Variants in MICAL2 observed in about 807,000 individuals in gnomAD.
The protein encoded by MICAL2 is microtubule associated monooxygenase, calponin and LIM domain containing 2.
MICAL2 carries 77 observed loss-of-function variants against 127.3 expected under a neutral mutation model. The observed-to-expected ratio is 0.60, with a 90% CI of 0.50 to 0.73. The LOEUF (loss-of-function observed/expected upper bound fraction) is 0.73, where lower values mean the gene tolerates loss of function less well. Among genes scored for constraint, MICAL2 ranks in the 30% least tolerant of loss-of-function variants. MICAL2 has a pLI of 0.00. For missense variants in MICAL2, 1,351 were observed against 1,434.4 expected, an observed-to-expected ratio of 0.94 and a Z score of 0.94; for synonymous variants, 570 against 551.1, an observed-to-expected ratio of 1.03 and a Z score of -0.48.
intron 3 of MICAL2, among the ~76,000 whole-genome samples, chr11:12,167,571 G>T (rs772746709): frequency 1.3e-5 from 2 of 152,138 alleles, no homozygotes; most frequent in Non-Finnish European, 2.9e-5. Context: ...TCATGGCTGC[G>T]CTGGCTCAGA....
chr11:12,247,484 G>T (rs17480614), intron 21 of MICAL2, among the ~76,000 whole-genome samples: 1,842 of 152,276 alleles, frequency 0.012, 24 homozygotes, highest in Middle Eastern at 0.024. Context: ...ATGGACTCTT[G>T]GGCAAGTCAC....
chr11:12,287,885 G>A (rs757526595), downstream of MICAL2, among the ~76,000 whole-genome samples: 2 of 152,108 alleles, frequency 1.3e-5, no homozygotes, highest in Non-Finnish European at 2.9e-5. Context: ...CAGGCTCATC[G>A]CTGCCTTCCA....
At chr11:12,277,171 G>A (rs1437579392) in intron 1 of MICAL2, among the ~76,000 whole-genome samples, 1 of 152,092 alleles carries the variant, frequency 6.6e-6, no homozygotes, top group Non-Finnish European at 1.5e-5. Context: ...CTGCTCTGGA[G>A]CCTGCGTGTC....
exon 35 of MICAL2, chr11:12,358,344 C>A: frequency 6.2e-7 from 1 of 1,614,044 alleles, no homozygotes; most frequent in Non-Finnish European, 8.5e-7. Context: ...AAGTATTCAC[C>A]GAGCTGATGC....
intron 21 of MICAL2, among the ~76,000 whole-genome samples, chr11:12,244,553 G>A (rs761639100): frequency 1.3e-5 from 2 of 152,110 alleles, no homozygotes; most frequent in African/African-American, 2.4e-5. Flanking sequence ...TAAACTTAAC[G>A]TAACACTATT....
rs145753992 is a variant in MICAL2 at position 12,148,880 on chromosome 11, G to T, written c.-78+10420G>T. 7.0e-3 allele frequency among the ~76,000 whole-genome samples: 1,062 copies of T among 152,302 alleles called. 8 individuals are homozygous for T. Among genetic ancestry groups the T allele is most frequent in the Admixed American group, 0.013 (194 of 15,302 alleles). Reference sequence around the variant, plus strand: ...GCAGCTAAGGATGCAGCCCAGCCAGGCGTCACTGTGTTTCATCCTGAAGTC... The same window carrying T: ...GCAGCTAAGGATGCAGCCCAGCCAGTCGTCACTGTGTTTCATCCTGAAGTC... On this transcript the variant is annotated intron_variant, in intron 2 of 27. Transcript: ENST00000683283.
intron 1 of MICAL2, among the ~76,000 whole-genome samples, chr11:12,119,290 C>G (rs1384415742): frequency 2.0e-5 from 3 of 152,198 alleles, no homozygotes; most frequent in South Asian, 2.1e-4. Context: ...GCTGAAACTT[C>G]ATCTACGGCA....
At chr11:12,331,824 G>A (rs1050249756) in intron 32 of MICAL2, among the ~76,000 whole-genome samples, 1 of 152,078 alleles carries the variant, frequency 6.6e-6, no homozygotes, top group Non-Finnish European at 1.5e-5. Flanking sequence ...AATAAAATAG[G>A]TATCCAAAAA....
chr11:12,360,645 A>C (rs538739993), downstream of MICAL2, among the ~76,000 whole-genome samples: 1 of 152,310 alleles, frequency 6.6e-6, no homozygotes, highest in Admixed American at 6.5e-5. Flanking sequence ...ATTGCCACTT[A>C]TTTTAATTTG....
At chr11:12,227,407 A>G (rs1857618191) in intron 15 of MICAL2, among the ~76,000 whole-genome samples, 1 of 152,228 alleles carries the variant, frequency 6.6e-6, no homozygotes, top group South Asian at 2.1e-4. Context: ...AGTAAATCAG[A>G]TCAGCTCTGC....
chr11:12,344,257 C>G (rs982821644), intron 32 of MICAL2, among the ~76,000 whole-genome samples: 2 of 151,976 alleles, frequency 1.3e-5, no homozygotes, highest in African/African-American at 4.8e-5. Flanking sequence ...GATCATGCTA[C>G]TGCACTCCAG....
intron 16 of MICAL2, 30 bp downstream of exon 16, chr11:12,236,275 A>G (rs751397377): frequency 6.2e-6 from 10 of 1,607,434 alleles, no homozygotes; most frequent in Non-Finnish European, 8.5e-6. Context: ...CTTTAAACAG[A>G]GGCTCGTTTC....
chr11:12,205,007 G>A (rs1050567933), intron 4 of MICAL2, among the ~76,000 whole-genome samples: 3 of 152,074 alleles, frequency 2.0e-5, no homozygotes, highest in Non-Finnish European at 2.9e-5. Context: ...TTAGAGCAGA[G>A]GAAAGAAATA....
At position 12,242,228 on chromosome 11, in the gene MICAL2, C is replaced by A. The variant is rs755840837; in HGVS notation, c.2352C>A (p.Val784=). 4 of 1,607,312 alleles carry A rather than the reference C, an allele frequency of 2.5e-6. No homozygotes were observed. Among genetic ancestry groups the A allele is most frequent in the Non-Finnish European group, 3.4e-6 (4 of 1,174,810 alleles). The change falls in exon 19 of 28, where the codon GTC becomes GTA. Residue 784 remains valine, a synonymous_variant. Coordinates refer to ENST00000683283, the MANE Select transcript of MICAL2 (RefSeq NM_001282663.2). The stretch of plus-strand genomic sequence containing the variant: ...CTCTTTCCCAGTTCCCCTCTGTGGT[C>A]GTGACGGGGCACGTGCTCAGAGAGC... ...PPLKRQFPSV[V]VTGHVLRELK...
In MICAL2 at chr11:12,255,727, G is replaced by A. The variant is rs375689145; in HGVS notation, c.2932G>A (p.Ala978Thr). ...NLYMNDHRPKAQATSPDLESM... is the reference protein window; with the variant it reads ...NLYMNDHRPKTQATSPDLESM... Reference sequence around the variant, plus strand: ...GTACATGAATGATCACAGACCTAAGGCCCAGGCCACCTCTCCAGACCTGGT... The same window carrying A: ...GTACATGAATGATCACAGACCTAAGACCCAGGCCACCTCTCCAGACCTGGT... The change falls in exon 23 of 28, where the codon GCC becomes ACC. Residue 978 changes from alanine to threonine, a missense_variant. Physicochemically the swap from Ala to Thr is moderately conservative, Grantham distance 58. Transcript: ENST00000683283. 1.2e-4 allele frequency: 196 copies of A among 1,613,636 alleles called. No homozygotes were observed. In the East Asian group the frequency reaches 4.2e-3, roughly 34 times the overall value.
chr11:12,168,964 G>A (rs72864258), intron 3 of MICAL2, among the ~76,000 whole-genome samples: 11 of 119,974 alleles, frequency 9.2e-5, no homozygotes, highest in African/African-American at 1.7e-4. Flanking sequence ...AAAAAAAAAA[G>A]AAAAGAAAAG....
intron 11 of MICAL2, 71 bp downstream of exon 11, chr11:12,222,814 G>A (rs1856981233): frequency 6.3e-7 from 1 of 1,581,070 alleles, no homozygotes; most frequent in East Asian, 2.3e-5. Flanking sequence ...TGGGGAGGGG[G>A]TCACATTAAA....
chr11:12,333,035 G>A (rs1938674180), intron 32 of MICAL2, among the ~76,000 whole-genome samples: 1 of 152,124 alleles, frequency 6.6e-6, no homozygotes, highest in Non-Finnish European at 1.5e-5. Context: ...GGAAGTCCAT[G>A]GCCTCATTGC....
chr11:12,122,701 G>A (rs1037067171), intron 1 of MICAL2, among the ~76,000 whole-genome samples: 6 of 152,298 alleles, frequency 3.9e-5, no homozygotes, highest in African/African-American at 7.2e-5. Context: ...GAGCCACCGC[G>A]CCTGGCCTGC....
Sources: allele counts gnomAD v4.1 joint callset (sites outside exome capture counted in the v4.1 genomes callset), GRCh38; gene constraint gnomAD v4.1.1; transcripts MANE v1.5; gene names NCBI Gene and HGNC (gene_info 2026-07-23, HGNC 2026-07-21).